Variants in ROBO1 observed in about 807,000 individuals in gnomAD.
ROBO1 encodes the protein roundabout homolog 1.
ROBO1 carries 149 observed loss-of-function variants against 195.9 expected under a neutral mutation model. The observed-to-expected ratio is 0.76, with a 90% CI of 0.67 to 0.87. ROBO1 has a LOEUF of 0.87. ROBO1 is among the 40% of genes least tolerant of loss of function. The pLI, the probability that ROBO1 is intolerant of heterozygous loss-of-function variation, is 0.00. For synonymous variants in ROBO1, 816 were observed against 733.2 expected (o/e 1.11, Z -1.82); for missense variants, 1,933 against 2,068.3 (o/e 0.93, Z 1.27).
chr3:79,396,946 G>A (rs1345108234), intron 2 of ROBO1, among the ~76,000 whole-genome samples: 2 of 151,932 alleles, frequency 1.3e-5, no homozygotes, highest in South Asian at 4.2e-4. Context: ...TAAAATTACC[G>A]AGAATGTTCC....
chr3:79,439,117 A>C (rs115733408), intron 2 of ROBO1, among the ~76,000 whole-genome samples: 1 of 152,098 alleles, frequency 6.6e-6, no homozygotes, highest in African/African-American at 2.4e-5. Context: ...TGATGTGTTC[A>C]TAACATAATA....
chr3:79,548,331 A>G (rs1369483769), intron 2 of ROBO1, among the ~76,000 whole-genome samples: 2 of 152,234 alleles, frequency 1.3e-5, no homozygotes, highest in Non-Finnish European at 2.9e-5. Context: ...TTGAGTAACT[A>G]TAAGAGGGAA....
At chr3:78,750,301 A>G (rs2108301272) in intron 4 of ROBO1, among the ~76,000 whole-genome samples, 1 of 151,878 alleles carries the variant, frequency 6.6e-6, no homozygotes, top group African/African-American at 2.4e-5. Flanking sequence ...AAAATACAAA[A>G]AATTAGCCGG....
At chr3:78,645,167 G>A (rs1383309656) in intron 21 of ROBO1, among the ~76,000 whole-genome samples, 1 of 152,104 alleles carries the variant, frequency 6.6e-6, no homozygotes, top group African/African-American at 2.4e-5. Flanking sequence ...GAAAAGATTA[G>A]TACTTGTTGC....
chr3:78,881,006 C>T (rs944311743), intron 4 of ROBO1, among the ~76,000 whole-genome samples: 3 of 152,262 alleles, frequency 2.0e-5, no homozygotes, highest in Admixed American at 2.0e-4. Flanking sequence ...CTAGCGTATT[C>T]TCTTTGGATT....
At chr3:79,030,360 A>G (rs1361886684) in intron 3 of ROBO1, among the ~76,000 whole-genome samples, 2 of 152,226 alleles carry the variant, frequency 1.3e-5, no homozygotes, top group Non-Finnish European at 2.9e-5. Flanking sequence ...TGCATAGGAC[A>G]GTCTCCCTCT....
intron 2 of ROBO1, among the ~76,000 whole-genome samples, chr3:79,392,648 G>A (rs144091385): frequency 6.5e-4 from 99 of 152,264 alleles, no homozygotes; most frequent in Non-Finnish European, 1.2e-3. Context: ...AAAGGTCTCA[G>A]GTGAAACCCC....
intron 1 of ROBO1, among the ~76,000 whole-genome samples, chr3:79,757,475 C>CTCTT (rs1232656101): frequency 2.4e-4 from 36 of 148,606 alleles, no homozygotes; most frequent in African/African-American, 8.2e-4. Flanking sequence ...TACTTGCTCT[C>CTCTT]TCTTTCTTTC....
At chr3:78,682,365 CATTT>C (rs1226660354) in intron 10 of ROBO1, among the ~76,000 whole-genome samples, 3 of 150,316 alleles carry the variant, frequency 2.0e-5, no homozygotes, top group Non-Finnish European at 4.4e-5. Context: ...ACACTTTGTA[CATTT>C]ATGTCATGTA....
At chr3:79,160,275 TCAAA>T (rs1270140657) in intron 2 of ROBO1, among the ~76,000 whole-genome samples, 3 of 151,332 alleles carry the variant, frequency 2.0e-5, no homozygotes, top group African/African-American at 4.9e-5. Context: ...AGCATGACTA[TCAAA>T]CAAACTTTTT....
At chr3:79,507,414 G>C (rs1940461437) in intron 2 of ROBO1, among the ~76,000 whole-genome samples, 1 of 152,146 alleles carries the variant, frequency 6.6e-6, no homozygotes, top group Admixed American at 6.5e-5. Flanking sequence ...GAGCAGTACT[G>C]CAACTTACTA....
intron 2 of ROBO1, among the ~76,000 whole-genome samples, chr3:79,427,432 T>A (rs937278211): frequency 1.3e-5 from 2 of 152,176 alleles, no homozygotes; most frequent in Non-Finnish European, 2.9e-5. Context: ...CAGGAGAACG[T>A]TGTGTTTAGG....
In ROBO1 at chr3:78,671,404, A is replaced by C. The variant is rs540243891; in HGVS notation, c.1343-1103T>G. ...AATTTTTAAAAGACACAAATGTACA[A>C]AGAAAGATTCTAAGTTGCCTGGTTA... On this transcript the variant is annotated intron_variant, in intron 10 of 30. Coordinates refer to ENST00000464233, the MANE Select transcript of ROBO1 (RefSeq NM_002941.4). Among the ~76,000 whole-genome samples the C allele has an allele frequency of 1.7e-3, 260 of 152,222 alleles. 1 individual carries two copies. Among genetic ancestry groups the C allele is most frequent in the Non-Finnish European group, 1.4e-3 (94 of 68,000 alleles).
At chr3:79,455,386 C>T (rs1310627560) in intron 2 of ROBO1, among the ~76,000 whole-genome samples, 1 of 151,872 alleles carries the variant, frequency 6.6e-6, no homozygotes, top group African/African-American at 2.4e-5. Flanking sequence ...AAGAAATTTG[C>T]CTTTTTTTAA....
At chr3:79,360,965 G>A (rs754080382) in intron 2 of ROBO1, among the ~76,000 whole-genome samples, 1 of 152,008 alleles carries the variant, frequency 6.6e-6, no homozygotes, top group Non-Finnish European at 1.5e-5. Flanking sequence ...TTGATCCATG[G>A]TGCAGCCTTG....
intron 2 of ROBO1, among the ~76,000 whole-genome samples, chr3:79,466,906 G>T (rs1348368142): frequency 6.6e-6 from 1 of 152,146 alleles, no homozygotes; most frequent in Admixed American, 6.5e-5. Context: ...TCCAGAGGAA[G>T]CTTGGTCAAA....
At chr3:79,419,117 A>G (rs1292778465) in intron 2 of ROBO1, among the ~76,000 whole-genome samples, 1 of 152,146 alleles carries the variant, frequency 6.6e-6, no homozygotes, top group Non-Finnish European at 1.5e-5. Context: ...ATATTGCAGG[A>G]TAGTGATTTG....
intron 3 of ROBO1, among the ~76,000 whole-genome samples, chr3:79,031,970 T>C (rs1277832546): frequency 1.3e-5 from 2 of 152,080 alleles, no homozygotes; most frequent in African/African-American, 4.8e-5. Flanking sequence ...CCAATACTCT[T>C]AAACAATAGT....
intron 4 of ROBO1, among the ~76,000 whole-genome samples, chr3:78,887,309 T>C (rs1214853635): frequency 6.6e-6 from 1 of 152,174 alleles, no homozygotes; most frequent in African/African-American, 2.4e-5. Flanking sequence ...AAAGGGCTGT[T>C]GAGAGGACTG....
Sources: gnomAD v4.1 joint callset for allele counts (sites outside exome capture counted in the v4.1 genomes callset) on GRCh38, gnomAD v4.1.1 for gene constraint, MANE v1.5 for transcripts, NCBI Gene and HGNC (gene_info 2026-07-23, HGNC 2026-07-21) for gene names.